The following SENP7 variants were observed in gnomAD, a reference collection of about 807,000 sequenced individuals.
The protein encoded by SENP7 is SUMO specific peptidase 7, also known as sentrin-specific protease 7.
SENP7 carries 64 observed loss-of-function variants against 141.2 expected under a neutral mutation model. The ratio of observed to expected loss-of-function variants is 0.45; its 90% CI spans 0.37 to 0.56. The LOEUF (loss-of-function observed/expected upper bound fraction) is 0.56. Ranked by LOEUF, SENP7 falls within the 20% of genes least tolerant of loss-of-function variation. The pLI is 0.00. For missense variants in SENP7, 1,025 were observed against 1,212.2 expected (o/e 0.85, Z 2.29); for synonymous variants, 382 against 426.4 (o/e 0.90, Z 1.28).
At chr3:101,402,024 C>G (rs987715722) in intron 5 of SENP7, among the ~76,000 whole-genome samples, 1 of 149,964 alleles carries the variant, frequency 6.7e-6, no homozygotes, top group African/African-American at 2.5e-5. Flanking sequence ...AAAAAACTAT[C>G]TCCATAACAT....
chr3:101,345,570 AT>A (rs2107223831), intron 13 of SENP7, among the ~76,000 whole-genome samples: 1 of 152,272 alleles, frequency 6.6e-6, no homozygotes, highest in East Asian at 1.9e-4. Flanking sequence ...AGAGCTACTG[AT>A]TTGTGTACAT....
At chr3:101,343,623 T>A in intron 14 of SENP7, 63 bp downstream of exon 14, 1 of 1,497,932 alleles carries the variant, frequency 6.7e-7, no homozygotes, top group Non-Finnish European at 9.0e-7. Flanking sequence ...CAGCCTAATA[T>A]CAATGAATAA....
chr3:101,337,363 T>C (rs999011029), intron 17 of SENP7, 146 bp downstream of exon 17: 3 of 469,210 alleles, frequency 6.4e-6, no homozygotes, highest in Non-Finnish European at 7.4e-6. Flanking sequence ...GGATGAGAAA[T>C]GGCTCTCATG....
intron 6 of SENP7, among the ~76,000 whole-genome samples, chr3:101,373,129 A>T (rs2060227075): frequency 3.9e-5 from 6 of 152,102 alleles, no homozygotes; most frequent in Admixed American, 3.9e-4. Context: ...GTAGTGTCAT[A>T]GTTAAAGAAA....
intron 3 of SENP7, among the ~76,000 whole-genome samples, chr3:101,487,865 TTATAA>T (rs2064796139): frequency 1.3e-5 from 2 of 152,212 alleles, no homozygotes; most frequent in South Asian, 4.1e-4. Context: ...TACTGTGGGC[TTATAA>T]TATAATTTGA....
intron 4 of SENP7, among the ~76,000 whole-genome samples, chr3:101,451,123 G>A (rs1559847199): frequency 6.6e-6 from 1 of 152,142 alleles, no homozygotes; most frequent in Non-Finnish European, 1.5e-5. Flanking sequence ...TAGAAGAAAT[G>A]GATAAATTCC....
In SENP7 at chr3:101,341,736, T is replaced by C. The variant is rs936725886; in HGVS notation, c.2150A>G (p.Gln717Arg). ...GGAGTAGCAACCGCTACTTTGCTTC[T>C]GCAGGAAGGTGTAAGTAGGCTTGGC... ...DAAKPTYTFL[Q>R]KQSSGCYSLS... The change falls in exon 15 of 24, where the codon CAG becomes CGG. Residue 717 changes from glutamine to arginine, a missense_variant. Gln to Arg is a conservative substitution (Grantham distance 43). This residue lies in a region of SENP7 where 295 missense variants were observed against 459.1 expected (regional missense o/e 0.64). Coordinates refer to ENST00000394095, the MANE Select transcript of SENP7 (RefSeq NM_020654.5). 6.2e-7 allele frequency: 1 copy of C among 1,611,526 alleles called. No individual in the cohort carries two copies. Among genetic ancestry groups the C allele is most frequent in the African/African-American group, 1.3e-5 (1 of 74,912 alleles).
chr3:101,375,076 G>C (rs907713802), intron 6 of SENP7, among the ~76,000 whole-genome samples: 2 of 151,840 alleles, frequency 1.3e-5, no homozygotes, highest in Admixed American at 6.6e-5. Flanking sequence ...ACACAGATTA[G>C]GACAGAGTAA....
intron 3 of SENP7, among the ~76,000 whole-genome samples, chr3:101,465,154 G>A (rs950578196): frequency 1.3e-5 from 2 of 151,832 alleles, no homozygotes; most frequent in East Asian, 3.9e-4. Flanking sequence ...GGGTGGAGGG[G>A]GCATGAAGGG....
chr3:101,372,073 T>G lies in SENP7; in HGVS notation c.731A>C (p.His244Pro). 1 of 1,570,136 alleles carries G rather than the reference T, an allele frequency of 6.4e-7. No individual in the cohort carries two copies. Among genetic ancestry groups the G allele is most frequent in the Non-Finnish European group, 8.7e-7 (1 of 1,151,348 alleles). Reference protein sequence around the residue: ...VDDNSAKQTAHNKEKRRKDDG... With the variant: ...VDDNSAKQTAPNKEKRRKDDG... ...ATCCTTTCTTCGTTTTTCTTTATTG[T>G]GCGCAGTCTGCTTTGCAGAATTGTC... is the stretch of plus-strand genomic sequence containing the variant. The change falls in exon 7 of 24, where the codon CAC becomes CCC. Residue 244 changes from histidine (H) to proline (P), a missense_variant. Physicochemically the swap from His to Pro is moderately conservative, Grantham distance 77. Around this residue, in one of 4 missense-constraint regions of SENP7, gnomAD observed 496 missense variants for 503.5 expected, o/e 0.99. Transcript: ENST00000394095.
chr3:101,400,321 G>A (rs1277081194), intron 5 of SENP7, among the ~76,000 whole-genome samples: 1 of 152,022 alleles, frequency 6.6e-6, no homozygotes, highest in African/African-American at 2.4e-5. Context: ...GCCAGAGTAC[G>A]AGCATACCTC....
At chr3:101,473,991 T>C (rs1282723494) in intron 3 of SENP7, among the ~76,000 whole-genome samples, 2 of 152,220 alleles carry the variant, frequency 1.3e-5, no homozygotes, top group East Asian at 1.9e-4. Flanking sequence ...GAATAAGGAA[T>C]CCTTTCCCCA....
At chr3:101,431,655 G>C (rs2062179663) in intron 4 of SENP7, among the ~76,000 whole-genome samples, 1 of 151,674 alleles carries the variant, frequency 6.6e-6, no homozygotes, top group African/African-American at 2.4e-5. Context: ...GTGGTGGCGT[G>C]GGTCTGTAGT....
intron 17 of SENP7, among the ~76,000 whole-genome samples, chr3:101,335,485 G>C (rs909918305): frequency 6.6e-6 from 1 of 152,124 alleles, no homozygotes; most frequent in African/African-American, 2.4e-5. Flanking sequence ...CCAAGCATTA[G>C]TATTCACACA....
At chr3:101,501,021 A>G (rs752616406) in intron 2 of SENP7, 49 bp downstream of exon 2, 2 of 1,227,032 alleles carry the variant, frequency 1.6e-6, no homozygotes, top group Admixed American at 2.1e-5. Flanking sequence ...AATACTTTCA[A>G]TATCAGTAAC....
rs114569514 is a variant in SENP7 at position 101,498,575 on chromosome 3, T to C, written c.90+2495A>G. Among the ~76,000 whole-genome samples, 933 of 152,282 alleles carry C rather than the reference T, an allele frequency of 6.1e-3. 6 individuals carry two copies. The highest frequency in any genetic ancestry group is 0.022 in the African/African-American group (897 of 41,548). On this transcript the variant is annotated intron_variant, in intron 2 of 23. Coordinates refer to ENST00000394095, the MANE Select transcript of SENP7 (RefSeq NM_020654.5). ...AAGAAAAAAGACTGAAGAATTGTCA[T>C]AGACTTAAGAAAACTAGGGAGACCT...
intron 4 of SENP7, among the ~76,000 whole-genome samples, chr3:101,420,078 T>C (rs1452163558): frequency 1.3e-5 from 2 of 152,210 alleles, no homozygotes; most frequent in East Asian, 3.9e-4. Flanking sequence ...CTCTTAAAAG[T>C]GATAGGAGGC....
At chr3:101,433,342 G>A (rs73147493) in intron 4 of SENP7, among the ~76,000 whole-genome samples, 44 of 115,524 alleles carry the variant, frequency 3.8e-4, no homozygotes, top group South Asian at 1.7e-3. Context: ...AAAAAAAAAA[G>A]GAAAAAAAAA....
chr3:101,361,710 C>T lies in SENP7; in HGVS notation c.1623+5G>A, dbSNP rs2059906920. Reference sequence around the variant, plus strand: ...CTAAAAGAAAATTAAAGAAAATATACTTACTGTAACACAACCTTTAGAAGC... The same window carrying T: ...CTAAAAGAAAATTAAAGAAAATATATTTACTGTAACACAACCTTTAGAAGC... On this transcript the variant is annotated splice_donor_5th_base_variant and intron_variant, in intron 11 of 23. Coordinates refer to ENST00000394095, the MANE Select transcript of SENP7 (RefSeq NM_020654.5). 1 of 1,545,272 alleles carries T rather than the reference C, an allele frequency of 6.5e-7. No individual in the cohort carries two copies. The highest frequency in any genetic ancestry group is 8.7e-7 in the Non-Finnish European group (1 of 1,154,686).
Sources: allele counts gnomAD v4.1 joint callset (sites outside exome capture counted in the v4.1 genomes callset), GRCh38; gene constraint gnomAD v4.1.1; regional missense constraint gnomAD v4.1.1; transcripts MANE v1.5; gene names NCBI Gene and HGNC (gene_info 2026-07-23, HGNC 2026-07-21).